PDPK1: variants seen among roughly 807,000 people sequenced by gnomAD.
PDPK1 encodes 3-phosphoinositide dependent protein kinase 1.
A neutral mutation model predicts 39.8 loss-of-function variants in PDPK1; 7 were observed. That is an observed-to-expected ratio of 0.18 (90% CI 0.10 to 0.33). The LOEUF is 0.33. PDPK1 is among the 10% of genes least tolerant of loss of function. The probability of loss-of-function intolerance (pLI) is 1.00; values close to 1 mark genes in which losing one functional copy is unlikely to be tolerated. For synonymous variants in PDPK1, 118 were observed against 159.1 expected, an observed-to-expected ratio of 0.74 and a Z score of 1.95; for missense variants, 182 against 384.7, an observed-to-expected ratio of 0.47 and a Z score of 4.41.
intron 1 of PDPK1, chr16:2,538,993 C>T (rs1213660299): frequency 1.3e-5 from 3 of 238,752 alleles, no homozygotes; most frequent in African/African-American, 4.7e-5. Context: ...GTCTACATGG[C>T]TTTAACATTT....
chr16:2,586,485 G>A (rs1234862140), intron 10 of PDPK1, among the ~76,000 whole-genome samples, 191 bp from the exon 11 acceptor site: 2 of 152,284 alleles, frequency 1.3e-5, no homozygotes, highest in African/African-American at 4.8e-5. Context: ...CGACCAGGCA[G>A]GATCCAGTGA....
intron 1 of PDPK1, among the ~76,000 whole-genome samples, chr16:2,541,637 C>T (rs75508884): frequency 3.4e-4 from 52 of 151,778 alleles, no homozygotes; most frequent in South Asian, 1.0e-3. Flanking sequence ...TGACATGTGG[C>T]CACTGGGCTG....
intron 1 of PDPK1, among the ~76,000 whole-genome samples, chr16:2,542,869 C>T (rs1423751160): frequency 4.0e-5 from 6 of 151,268 alleles, no homozygotes; most frequent in Non-Finnish European, 8.8e-5. Flanking sequence ...GCCCTCTCCC[C>T]GTGCTGGAGA....
chr16:2,591,467 T>G (rs1380840422), intron 11 of PDPK1, among the ~76,000 whole-genome samples: 1 of 152,236 alleles, frequency 6.6e-6, no homozygotes, highest in East Asian at 1.9e-4. Flanking sequence ...GCAACCGAGC[T>G]TTAAGCAGCC....
Position 2,602,443 on chromosome 16 carries a change from C to T in PDPK1, c.*4676C>T, listed in dbSNP as rs1390840266. ...GTGTGTACCTGAATTTTCCCCGTAA[C>T]TCATTTCTTCCATATGAAGAAACAC... On this transcript the variant is annotated 3_prime_UTR_variant, in exon 14 of 14. Coordinates refer to ENST00000342085, the MANE Select transcript of PDPK1 (RefSeq NM_002613.5). The T allele has an allele frequency of 8.5e-6, 2 of 235,326 alleles. No individual in the cohort carries two copies. Among genetic ancestry groups the T allele is most frequent in the Admixed American group, 1.1e-4 (2 of 17,792 alleles). The allele number at this position is 235,326 out of a possible 1,614,324, so 14.6% of individuals were successfully genotyped here.
chr16:2,591,139 T>C (rs1239903172), intron 11 of PDPK1, among the ~76,000 whole-genome samples: 1 of 152,012 alleles, frequency 6.6e-6, no homozygotes, highest in Admixed American at 6.5e-5. Flanking sequence ...AGTTTTGTGT[T>C]TATAGTAGAG....
At chr16:2,551,801 G>A (rs1259812200) in intron 1 of PDPK1, among the ~76,000 whole-genome samples, 2 of 151,096 alleles carry the variant, frequency 1.3e-5, no homozygotes, top group African/African-American at 4.9e-5. Flanking sequence ...CGAGTAGCTG[G>A]GATTATAGCT....
At position 2,590,196 on chromosome 16, in the gene PDPK1, C is replaced by T. The variant is rs573183362; in HGVS notation, c.1343+3303C>T. Among the ~76,000 whole-genome samples the T allele has an allele frequency of 2.0e-5, 3 of 152,244 alleles. No individual in the cohort carries two copies. In the East Asian group the frequency reaches 5.8e-4, roughly 29 times the overall value. The stretch of plus-strand genomic sequence containing the variant: ...AGTGCAGTGGAGTGATCTCTGTTCA[C>T]TGCAACCTCTACCTCCTGGGCTTAA... On this transcript the variant is annotated intron_variant, in intron 11 of 13. Coordinates refer to ENST00000342085, the MANE Select transcript of PDPK1 (RefSeq NM_002613.5).
At chr16:2,545,810 T>A (rs953646956) in intron 1 of PDPK1, among the ~76,000 whole-genome samples, 3 of 152,160 alleles carry the variant, frequency 2.0e-5, no homozygotes, top group Non-Finnish European at 2.9e-5. Flanking sequence ...TTATAATTTT[T>A]AAAATTTTTT....
intron 1 of PDPK1, among the ~76,000 whole-genome samples, chr16:2,553,106 C>A (rs2066446566): frequency 6.9e-6 from 1 of 145,274 alleles, no homozygotes; most frequent in Non-Finnish European, 1.5e-5. Flanking sequence ...GCATGGTGAC[C>A]CCACACCTGT....
chr16:2,586,896 A>G lies in PDPK1; in HGVS notation c.1343+3A>G, dbSNP rs746482606. 1.9e-6 allele frequency: 3 copies of G among 1,613,216 alleles called. No individual in the cohort carries two copies. Among genetic ancestry groups the G allele is most frequent in the African/African-American group, 2.7e-5 (2 of 74,942 alleles). ...AAGCAGGCTGGCGGAAACCCTTGGT[A>G]AGAACTTATGGACATAAGCAATGCT... On this transcript the variant is annotated splice_donor_region_variant and intron_variant, in intron 11 of 13. Coordinates refer to ENST00000342085, the MANE Select transcript of PDPK1 (RefSeq NM_002613.5).
At chr16:2,595,507 C>T (rs1325284252) in intron 11 of PDPK1, among the ~76,000 whole-genome samples, 1 of 152,352 alleles carries the variant, frequency 6.6e-6, no homozygotes, top group East Asian at 1.9e-4. Flanking sequence ...CAGCACGGTC[C>T]TCCCCCACCT....
chr16:2,560,533 C>CGGCTCACAG (rs2066586564), intron 2 of PDPK1, among the ~76,000 whole-genome samples: 1 of 144,418 alleles, frequency 6.9e-6, no homozygotes, highest in Non-Finnish European at 1.5e-5. Context: ...GCCCCGATTG[C>CGGCTCACAG]GGCTCACAGC....
rs570205657 is a variant in PDPK1 at position 2,590,795 on chromosome 16, GT to G, written c.1343+3909del. Among the ~76,000 whole-genome samples, 5 of 152,042 alleles carry G rather than the reference GT, an allele frequency of 3.3e-5. No individual in the cohort carries two copies. The South Asian group carries it at 6.2e-4, about 19-fold the overall frequency. On this transcript the variant is annotated intron_variant, in intron 11 of 13. Coordinates refer to ENST00000342085, the MANE Select transcript of PDPK1 (RefSeq NM_002613.5). Reference sequence around the variant, plus strand: ...CCAATAAAAGACTTTTTTTAGCTATGTTTTTTTGTTTGTTTATATTATTTTT... The same window carrying G: ...CCAATAAAAGACTTTTTTTAGCTATGTTTTTTGTTTGTTTATATTATTTTT...
In PDPK1 at chr16:2,602,785, A is replaced by G. The variant is rs918044521; in HGVS notation, c.*5018A>G. 1 of 234,440 alleles carries G rather than the reference A, an allele frequency of 4.3e-6. No individual in the cohort carries two copies. The highest frequency in any genetic ancestry group is 2.2e-5 in the African/African-American group (1 of 45,348). 14.5% of individuals were successfully genotyped at this position (234,440 alleles called of 1,614,324 possible). A position where few individuals can be genotyped will look rare whatever the true frequency, so the allele number is the denominator to read the frequency against. On this transcript the variant is annotated 3_prime_UTR_variant, in exon 14 of 14. Transcript: ENST00000342085. ...GTGATGTACAGACAAAGCAAAAATT[A>G]AAAGAACTTATGAAAACAAATGCAA...
Position 2,597,117 on chromosome 16 carries a change from C to T in PDPK1, c.1402-6C>T, listed in dbSNP as rs960374377. On this transcript the variant is annotated splice_polypyrimidine_tract_variant and splice_region_variant and intron_variant, in intron 12 of 13. Coordinates refer to ENST00000342085, the MANE Select transcript of PDPK1 (RefSeq NM_002613.5). The surrounding 1 kb of genome is among the most constrained non-coding windows in gnomAD (Gnocchi z 6.3). ...TGAGGCCTGTTGTTTTGTGTTTTGG[C>T]GTCAGGGTTTATTTGCAAGACGACG... 22 of 1,550,324 alleles carry T rather than the reference C, an allele frequency of 1.4e-5. No individual in the cohort carries two copies. Among genetic ancestry groups the T allele is most frequent in the South Asian group, 2.4e-5 (2 of 82,456 alleles).
chr16:2,592,790 G>A (rs2067016443), intron 11 of PDPK1: 1 of 455,764 alleles, frequency 2.2e-6, no homozygotes. Flanking sequence ...GCCGCCAGTG[G>A]AGCTTTGCCC....
At chr16:2,546,591 A>C (rs1406240229) in intron 1 of PDPK1, among the ~76,000 whole-genome samples, 2 of 152,096 alleles carry the variant, frequency 1.3e-5, no homozygotes, top group African/African-American at 4.8e-5. Flanking sequence ...TGGCCTCCCA[A>C]AGTGCTGGGA....
chr16:2,587,671 G>T (rs770138619), intron 11 of PDPK1, among the ~76,000 whole-genome samples: 8 of 152,110 alleles, frequency 5.3e-5, no homozygotes, highest in Non-Finnish European at 1.2e-4. Context: ...ACCACACCTG[G>T]TTAATTTTTG....
Sources: gnomAD v4.1 joint callset for allele counts (sites outside exome capture counted in the v4.1 genomes callset) on GRCh38, gnomAD v4.1.1 for gene constraint, Gnocchi (gnomAD v3.1) non-coding constraint, MANE v1.5 for transcripts, NCBI Gene and HGNC (gene_info 2026-07-23, HGNC 2026-07-21) for gene names.